Variants in CADM4 observed in about 807,000 individuals in gnomAD.
The protein encoded by CADM4 is TSLC1-like 2.
In CADM4, 13 loss-of-function variants were observed where a neutral mutation model predicts 43.9. The ratio of observed to expected loss-of-function variants is 0.30; its 90% CI spans 0.19 to 0.47. CADM4 has a LOEUF of 0.47. CADM4 is among the 20% of genes least tolerant of loss of function. The pLI is 1.00. For missense variants in CADM4, 420 were observed against 527.0 expected (o/e 0.80, Z 1.99); for synonymous variants, 209 against 220.9 (o/e 0.95, Z 0.48).
chr19:43,639,360 G>GGGACGAGGAGCC (rs1973741481), intron 1 of CADM4, among the ~76,000 whole-genome samples: 1 of 150,878 alleles, frequency 6.6e-6, no homozygotes, highest in African/African-American at 2.4e-5. Context: ...CAAGGGTAGG[G>GGGACGAGGAGCC]GGACGAGGAG....
At position 43,627,402 on chromosome 19, in the gene CADM4, G is replaced by T. The variant is rs1025183382; in HGVS notation, c.212-84C>A. The T allele has an allele frequency of 1.4e-6, 2 of 1,441,294 alleles. No individual in the cohort carries two copies. The highest frequency in any genetic ancestry group is 1.9e-6 in the Non-Finnish European group (2 of 1,079,026). The allele number at this position is 1,441,294 out of a possible 1,614,324, so 89.3% of individuals were successfully genotyped here. On this transcript the variant is annotated intron_variant, in intron 2 of 8. Transcript: ENST00000222374. The surrounding 1 kb of genome is among the most constrained non-coding windows in gnomAD (Gnocchi z 4.0). ...CCTTCCGACAGGAGCTTAGAGTCCA[G>T]CCCTCTGCCTCTTTTCTCCAGCCAT...
At chr19:43,634,318 C>G (rs1973670901) in intron 1 of CADM4, among the ~76,000 whole-genome samples, 1 of 152,186 alleles carries the variant, frequency 6.6e-6, no homozygotes. Context: ...ATCCACAGAT[C>G]CTGGACCTCA....
rs750076316 is a variant in CADM4 at position 43,625,171 on chromosome 19, G to T, written c.835C>A (p.Pro279Thr). ...AEAVGETLTL[P>T]GLVSADNGTY... The stretch of plus-strand genomic sequence containing the variant: ...CCGTTATCCGCGGATACCAGACCCG[G>T]CAGCGTGAGCGTCTCTCCCACGGCC... Residue 279 changes from proline (P) to threonine (T), a missense_variant, in exon 7 of 9, where the codon CCG becomes ACG. Coordinates refer to ENST00000222374, the MANE Select transcript of CADM4 (RefSeq NM_145296.2). The surrounding 1 kb of genome is among the most constrained non-coding windows in gnomAD (Gnocchi z 4.5). 6.2e-7 allele frequency: 1 copy of T among 1,614,216 alleles called. No individual in the cohort carries two copies. Among genetic ancestry groups the T allele is most frequent in the South Asian group, 1.1e-5 (1 of 91,088 alleles).
At chr19:43,624,509 G>T (rs1481742378) in intron 7 of CADM4, among the ~76,000 whole-genome samples, 1 of 151,916 alleles carries the variant, frequency 6.6e-6, no homozygotes, top group East Asian at 1.9e-4. Context: ...CTCACTATGT[G>T]GCCCAGGCTG....
intron 1 of CADM4, 43 bp downstream of exon 1, chr19:43,639,684 C>T: frequency 3.1e-6 from 3 of 974,928 alleles, no homozygotes; most frequent in Non-Finnish European, 3.7e-6. Context: ...ACAGCGCGCC[C>T]CCCGCCCCAG....
rs59489315 is a variant in CADM4, at chr19:43,630,281, C to CTTTTTTTTTTTT, written c.65-2503_65-2492dup. Among the ~76,000 whole-genome samples, 120 of 73,388 alleles carry CTTTTTTTTTTTT rather than the reference C, an allele frequency of 1.6e-3. 1 individual carries two copies. Among genetic ancestry groups the CTTTTTTTTTTTT allele is most frequent in the South Asian group, 2.3e-3 (5 of 2,188 alleles). 48.1% of individuals were successfully genotyped at this position (73,388 alleles called of 152,430 possible). A position where few individuals can be genotyped will look rare whatever the true frequency, so the allele number is the denominator to read the frequency against. ...TTTCCCCCATTTCCATTTTTCTTTT[C>CTTTTTTTTTTTT]TTTTTTTTTTTTTTTTTTTTTTGAG... On this transcript the variant is annotated intron_variant, in intron 1 of 8. Coordinates refer to ENST00000222374, the MANE Select transcript of CADM4 (RefSeq NM_145296.2).
In CADM4 at chr19:43,626,394, C is replaced by T. The variant is rs78361402; in HGVS notation, c.500-106G>A. The T allele has an allele frequency of 1.6e-3, 2,176 of 1,370,168 alleles. 34 individuals carry two copies. In the African/African-American group the frequency reaches 0.027, roughly 17 times the overall value. 84.9% of individuals were successfully genotyped at this position (1,370,168 alleles called of 1,614,324 possible). On this transcript the variant is annotated intron_variant, in intron 4 of 8. Coordinates refer to ENST00000222374, the MANE Select transcript of CADM4 (RefSeq NM_145296.2). The surrounding 1 kb of genome is among the most constrained non-coding windows in gnomAD (Gnocchi z 5.9). ...CTATTTGCCAAGCTCCACCCCTTAC[C>T]CACAGGCCCCGCCTCTTGTCCTCCA...
At chr19:43,629,925 T>C (rs1323259968) in intron 1 of CADM4, among the ~76,000 whole-genome samples, 1 of 151,886 alleles carries the variant, frequency 6.6e-6, no homozygotes, top group African/African-American at 2.4e-5. Flanking sequence ...CCAATTATTA[T>C]TATTATTTTT....
intron 1 of CADM4, among the ~76,000 whole-genome samples, chr19:43,634,998 C>A (rs1411141598): frequency 1.3e-5 from 2 of 151,564 alleles, no homozygotes; most frequent in African/African-American, 4.9e-5. Flanking sequence ...CCCCTTCCTT[C>A]AAACCTAGGA....
Position 43,623,080 on chromosome 19 carries a change from T to C in CADM4, c.*250A>G. 1 of 403,396 alleles carries C rather than the reference T, an allele frequency of 2.5e-6. No individual in the cohort carries two copies. Among genetic ancestry groups the C allele is most frequent in the Non-Finnish European group, 4.5e-6 (1 of 220,692 alleles). 25.0% of individuals were successfully genotyped at this position (403,396 alleles called of 1,614,324 possible). A position where few individuals can be genotyped will look rare whatever the true frequency, so the allele number is the denominator to read the frequency against. ...CCAACCCAATCCCTACTGCCCTCAC[T>C]GGACTTGGGGGGTCTGGACCTTTGG... On this transcript the variant is annotated 3_prime_UTR_variant, in exon 9 of 9. Coordinates refer to ENST00000222374, the MANE Select transcript of CADM4 (RefSeq NM_145296.2). This position sits in a 1 kb window ranked among gnomAD's most constrained non-coding sequence, Gnocchi z 4.4.
chr19:43,641,216 G>C (rs1973768320), upstream of CADM4, among the ~76,000 whole-genome samples: 1 of 152,048 alleles, frequency 6.6e-6, no homozygotes, highest in African/African-American at 2.4e-5. Flanking sequence ...TGATCCATCT[G>C]TCTGGCCTCC....
chr19:43,633,684 C>CTTTCTCTTTCT (rs1480019496), intron 1 of CADM4, among the ~76,000 whole-genome samples: 6 of 149,224 alleles, frequency 4.0e-5, no homozygotes, highest in African/African-American at 1.5e-4. Context: ...CTCTTTCTTT[C>CTTTCTCTTTCT]TTTTTTCTTT....
intron 1 of CADM4, among the ~76,000 whole-genome samples, chr19:43,634,125 C>A (rs1479535263): frequency 6.6e-6 from 1 of 152,182 alleles, no homozygotes. Context: ...CCTTTCGGAG[C>A]CTCAGTTGCC....
chr19:43,641,490 G>A (rs1048980418), upstream of CADM4, among the ~76,000 whole-genome samples: 8 of 151,950 alleles, frequency 5.3e-5, no homozygotes, highest in Non-Finnish European at 5.9e-5. Context: ...TCAGGACCAC[G>A]GCTCCCAGCA....
chr19:43,631,340 C>G (rs1197251131), intron 1 of CADM4, among the ~76,000 whole-genome samples: 1 of 132,374 alleles, frequency 7.6e-6, no homozygotes, highest in Admixed American at 7.9e-5. Flanking sequence ...GACTCCGTTT[C>G]AAAAAAGAAA....
intron 7 of CADM4, 188 bp downstream of exon 7, chr19:43,624,890 A>G: frequency 1.7e-6 from 1 of 604,730 alleles, no homozygotes; most frequent in South Asian, 2.0e-5. Flanking sequence ...TGAGGCGCAG[A>G]CAGGTTCGGT....
upstream of CADM4, chr19:43,639,962 G>T (rs1161670751): frequency 1.3e-5 from 5 of 370,484 alleles, no homozygotes; most frequent in Non-Finnish European, 1.9e-5. Context: ...GGAGACAATC[G>T]GGGGGACGGC....
In CADM4 at chr19:43,627,832, G is replaced by A. The variant is rs1436191242; in HGVS notation, c.65-42C>T. The A allele has an allele frequency of 6.4e-7, 1 of 1,571,630 alleles. No homozygotes were observed. Among genetic ancestry groups the A allele is most frequent in the African/African-American group, 1.4e-5 (1 of 73,846 alleles). On this transcript the variant is annotated intron_variant, in intron 1 of 8. Transcript: ENST00000222374. The surrounding 1 kb of genome is among the most constrained non-coding windows in gnomAD (Gnocchi z 4.0). ...AGAGACAGGATAGAAGACTTACTGA[G>A]AGCTGCAATTCAATTTTTTCTTTCT...
chr19:43,625,744 C>G lies in CADM4; in HGVS notation c.755+167G>C, dbSNP rs1000039450. On this transcript the variant is annotated intron_variant, in intron 6 of 8. Transcript: ENST00000222374. The surrounding 1 kb of genome is among the most constrained non-coding windows in gnomAD (Gnocchi z 4.5). ...TCCCAGATCCCTATTCGTCCAGGTC[C>G]CCAGCTCTCTCCTCCTCAGGACCCA... Among the ~76,000 whole-genome samples the G allele has an allele frequency of 1.3e-5, 2 of 152,136 alleles. No individual in the cohort carries two copies. The highest frequency in any genetic ancestry group is 4.8e-5 in the African/African-American group (2 of 41,514).
Sources: gnomAD v4.1 joint callset for allele counts (sites outside exome capture counted in the v4.1 genomes callset) on GRCh38, gnomAD v4.1.1 for gene constraint, Gnocchi (gnomAD v3.1) non-coding constraint, MANE v1.5 for transcripts, NCBI Gene and HGNC (gene_info 2026-07-23, HGNC 2026-07-21) for gene names.